Variants in TPO observed in about 807,000 individuals in gnomAD.
TPO encodes thyroid peroxidase.
TPO carries 78 observed loss-of-function variants against 96.9 expected under a neutral mutation model. The ratio of observed to expected loss-of-function variants is 0.81; its 90% CI spans 0.67 to 0.97. The LOEUF (loss-of-function observed/expected upper bound fraction) is 0.97, where lower values mean the gene tolerates loss of function less well. TPO is among the 50% of genes least tolerant of loss of function. The probability of loss-of-function intolerance (pLI) is 0.00; values close to 1 mark genes in which losing one functional copy is unlikely to be tolerated. For missense variants in TPO, 1,252 were observed against 1,274.8 expected (o/e 0.98, Z 0.27); for synonymous variants, 547 against 538.0 (o/e 1.02, Z -0.23).
chr2:1,504,290 C>T (rs967463300), intron 14 of TPO, among the ~76,000 whole-genome samples: 6 of 152,166 alleles, frequency 3.9e-5, no homozygotes, highest in African/African-American at 1.2e-4. Flanking sequence ...CAGAGACCCT[C>T]GAAGCACACT....
chr2:1,433,616 T>C lies in TPO; in HGVS notation c.349+9T>C, dbSNP rs371245129. On this transcript the variant is annotated intron_variant, in intron 4 of 16. Transcript: ENST00000329066. ...ATCACAGCATCCAACGGGTAATGTGTGCCCCTCTCCCCACTGAGGAGCGGC... is the reference window on the plus strand; with the variant it reads ...ATCACAGCATCCAACGGGTAATGTGCGCCCCTCTCCCCACTGAGGAGCGGC... The C allele has an allele frequency of 4.8e-5, 78 of 1,612,984 alleles. No individual in the cohort carries two copies. In the African/African-American group the frequency reaches 7.9e-4, roughly 16 times the overall value.
At chr2:1,514,362 C>T (rs750766960) in intron 14 of TPO, among the ~76,000 whole-genome samples, 5 of 152,316 alleles carry the variant, frequency 3.3e-5, no homozygotes, top group Admixed American at 6.5e-5. Context: ...CTAATCTGGG[C>T]GCCTGTGCTC....
intron 10 of TPO, among the ~76,000 whole-genome samples, chr2:1,492,861 G>C (rs940044771): frequency 1.3e-5 from 2 of 152,154 alleles, no homozygotes; most frequent in African/African-American, 4.8e-5. Context: ...CCTGGGCGGC[G>C]CTCTGATCAG....
chr2:1,438,056 G>T (rs1665764954), intron 5 of TPO, among the ~76,000 whole-genome samples: 1 of 152,022 alleles, frequency 6.6e-6, no homozygotes, highest in African/African-American at 2.4e-5. Context: ...GTGGAGGAGG[G>T]CAGGGGGTAG....
chr2:1,470,439 T>C (rs1165583303), intron 7 of TPO, among the ~76,000 whole-genome samples: 1 of 151,992 alleles, frequency 6.6e-6, no homozygotes, highest in Non-Finnish European at 1.5e-5. Flanking sequence ...TATTCATAAA[T>C]TTAGGTCGAT....
chr2:1,491,167 C>CA (rs201015140), intron 10 of TPO, among the ~76,000 whole-genome samples: 6,039 of 146,794 alleles, frequency 0.041, 160 homozygotes, highest in Middle Eastern at 0.13. Flanking sequence ...GAGACTCAGT[C>CA]AAAAAAAAAA....
At chr2:1,425,908 G>A (rs1405472401) in intron 3 of TPO, among the ~76,000 whole-genome samples, 1 of 142,944 alleles carries the variant, frequency 7.0e-6, no homozygotes, top group Non-Finnish European at 1.5e-5. Flanking sequence ...TAAAGTCATT[G>A]TTCTAGATGC....
chr2:1,378,828 A>C (rs1661761789), intron 1 of TPO, among the ~76,000 whole-genome samples: 1 of 151,830 alleles, frequency 6.6e-6, no homozygotes. Flanking sequence ...GAGATGTTAA[A>C]CCCATTTGGC....
intron 15 of TPO, among the ~76,000 whole-genome samples, chr2:1,522,631 A>C (rs1310506108): frequency 2.0e-5 from 3 of 152,050 alleles, no homozygotes; most frequent in Non-Finnish European, 2.9e-5. Context: ...TCTCCATAGA[A>C]TACTCCCTCC....
At chr2:1,398,079 T>C (rs1007303505) in intron 1 of TPO, among the ~76,000 whole-genome samples, 4 of 152,160 alleles carry the variant, frequency 2.6e-5, no homozygotes, top group African/African-American at 7.2e-5. Flanking sequence ...TGAAGGAAAA[T>C]AAATCCAGTC....
chr2:1,456,073 C>T lies in TPO; in HGVS notation c.613-3C>T. 2 of 1,613,456 alleles carry T rather than the reference C, an allele frequency of 1.2e-6. No individual in the cohort carries two copies. The highest frequency in any genetic ancestry group is 1.7e-6 in the Non-Finnish European group (2 of 1,179,822). On this transcript the variant is annotated splice_region_variant and splice_polypyrimidine_tract_variant and intron_variant, in intron 6 of 16. Transcript: ENST00000329066. ...TCCTGACCAATGGTCTCTTCCTACC[C>T]AGGTCCGGGAGGTGACAAGACATGT...
At chr2:1,492,647 C>T (rs1336067330) in intron 10 of TPO, among the ~76,000 whole-genome samples, 1 of 152,210 alleles carries the variant, frequency 6.6e-6, no homozygotes, top group Non-Finnish European at 1.5e-5. Flanking sequence ...AAACATGAGA[C>T]ACCAAGAGGC....
chr2:1,493,285 T>C (rs1671977536), intron 10 of TPO, among the ~76,000 whole-genome samples: 1 of 149,998 alleles, frequency 6.7e-6, no homozygotes, highest in South Asian at 2.1e-4. Context: ...GATGCAGAGC[T>C]GTGTCAGTTG....
At chr2:1,442,466 A>T (rs1666294214) in intron 5 of TPO, among the ~76,000 whole-genome samples, 1 of 152,208 alleles carries the variant, frequency 6.6e-6, no homozygotes, top group Non-Finnish European at 1.5e-5. Context: ...CATAAGCAGA[A>T]ATACAAATAT....
chr2:1,540,854 C>T, intron 16 of TPO, 131 bp downstream of exon 16: 1 of 1,562,444 alleles, frequency 6.4e-7, no homozygotes, highest in South Asian at 1.2e-5. Context: ...CGTTCTGCAC[C>T]TTCCTCCGGG....
At chr2:1,428,442 A>G (rs931642637) in intron 3 of TPO, among the ~76,000 whole-genome samples, 3 of 152,172 alleles carry the variant, frequency 2.0e-5, no homozygotes, top group Non-Finnish European at 2.9e-5. Flanking sequence ...AGTTGCAGGG[A>G]CAGGAAGGGC....
intron 5 of TPO, among the ~76,000 whole-genome samples, chr2:1,447,700 G>T (rs902017920): frequency 3.3e-5 from 5 of 152,072 alleles, no homozygotes; most frequent in African/African-American, 1.2e-4. Flanking sequence ...AATAAACACA[G>T]GTCTATATAG....
At chr2:1,540,756 C>A in intron 16 of TPO, 33 bp downstream of exon 16, 1 of 1,613,222 alleles carries the variant, frequency 6.2e-7, no homozygotes, top group Non-Finnish European at 8.5e-7. Context: ...TTTCCAGCTG[C>A]CACCGCAGTG....
At chr2:1,388,149 T>A (rs1661932516) in intron 1 of TPO, among the ~76,000 whole-genome samples, 2 of 152,294 alleles carry the variant, frequency 1.3e-5, no homozygotes, top group South Asian at 4.1e-4. Context: ...TTAGGCTACT[T>A]GGGGGTTAGG....
Sources: gnomAD v4.1 joint callset for allele counts (sites outside exome capture counted in the v4.1 genomes callset) on GRCh38, gnomAD v4.1.1 for gene constraint, MANE v1.5 for transcripts, NCBI Gene and HGNC (gene_info 2026-07-23, HGNC 2026-07-21) for gene names.